The following DNAH14 variants were observed in gnomAD, a reference collection of about 807,000 sequenced individuals.
The protein encoded by DNAH14 is dynein axonemal heavy chain 14, also known as axonemal beta dynein heavy chain 14.
A neutral mutation model predicts 520.9 loss-of-function variants in DNAH14; 478 were observed. That is an observed-to-expected ratio of 0.92 (90% CI 0.85 to 0.99). The LOEUF is 0.99. Among genes scored for constraint, DNAH14 ranks in the 50% least tolerant of loss-of-function variants. The pLI is 0.00. For synonymous variants in DNAH14, 1,581 were observed against 1,757.2 expected, an observed-to-expected ratio of 0.90 and a Z score of 2.51; for missense variants, 4,831 against 5,234.5, an observed-to-expected ratio of 0.92 and a Z score of 2.38.
chr1:225,294,885 G>A lies in DNAH14; in HGVS notation c.8469+4803G>A, dbSNP rs545936798. Among the ~76,000 whole-genome samples, 83 of 151,254 alleles carry A rather than the reference G, an allele frequency of 5.5e-4. 1 individual carries two copies. Among genetic ancestry groups the A allele is most frequent in the African/African-American group, 1.8e-3 (76 of 41,316 alleles). Reference sequence around the variant, plus strand: ...GCCATCCAGTAGTGGATTTTTTGTTGTTGTTGTTGTTTGTTTGTTTGTTTT... The same window carrying A: ...GCCATCCAGTAGTGGATTTTTTGTTATTGTTGTTGTTTGTTTGTTTGTTTT... On this transcript the variant is annotated intron_variant, in intron 55 of 85. Coordinates refer to ENST00000682510, the MANE Select transcript of DNAH14 (RefSeq NM_001367479.1).
chr1:225,312,575 G>A (rs930675804), intron 60 of DNAH14, among the ~76,000 whole-genome samples: 1 of 152,164 alleles, frequency 6.6e-6, no homozygotes, highest in African/African-American at 2.4e-5. Flanking sequence ...GATATTGGCT[G>A]TAGGTTTGTC....
chr1:225,203,946 G>T (rs936377850), intron 38 of DNAH14, among the ~76,000 whole-genome samples: 5 of 152,186 alleles, frequency 3.3e-5, no homozygotes, highest in African/African-American at 9.6e-5. Context: ...CAATAAGCAT[G>T]TACTGTCTTT....
chr1:225,319,394 C>T (rs2094521095), intron 61 of DNAH14, among the ~76,000 whole-genome samples: 1 of 152,068 alleles, frequency 6.6e-6, no homozygotes, highest in African/African-American at 2.4e-5. Context: ...CTACCTATAA[C>T]GTCTTGGAAT....
chr1:225,269,690 A>T (rs1429910497), intron 49 of DNAH14, among the ~76,000 whole-genome samples: 2 of 152,252 alleles, frequency 1.3e-5, no homozygotes, highest in African/African-American at 4.8e-5. Flanking sequence ...GACACTTCAC[A>T]AAAGAAGACA....
At chr1:225,070,143 T>C (rs1403421493) in intron 17 of DNAH14, among the ~76,000 whole-genome samples, 1 of 152,158 alleles carries the variant, frequency 6.6e-6, no homozygotes, top group Non-Finnish European at 1.5e-5. Context: ...TATTAATTTT[T>C]TTCAAAAAAC....
chr1:224,970,273 C>T (rs566195127), intron 7 of DNAH14, among the ~76,000 whole-genome samples: 25 of 152,218 alleles, frequency 1.6e-4, no homozygotes, highest in Non-Finnish European at 2.5e-4. Flanking sequence ...AGGAAATTCC[C>T]GCCTAATAAA....
Position 225,229,739 on chromosome 1 carries a change from G to C in DNAH14, c.6440-1334G>C, listed in dbSNP as rs142518377. On this transcript the variant is annotated intron_variant, in intron 41 of 85. Transcript: ENST00000682510. ...ACAATGAGAACATATGGGCACAAGG[G>C]GGGAACATCATACACTGGGGCCTGT... Among the ~76,000 whole-genome samples the C allele has an allele frequency of 7.2e-3, 1,092 of 152,036 alleles. 3 individuals are homozygous for C. Among genetic ancestry groups the C allele is most frequent in the Non-Finnish European group, 0.012 (847 of 67,986 alleles).
chr1:225,018,629 A>G (rs74228677), intron 10 of DNAH14, among the ~76,000 whole-genome samples: 1,664 of 152,310 alleles, frequency 0.011, 17 homozygotes, highest in Non-Finnish European at 0.016. Flanking sequence ...ACATGAAAGA[A>G]AAAATCTTAA....
At chr1:225,010,738 G>C (rs1033922023) in intron 10 of DNAH14, among the ~76,000 whole-genome samples, 2 of 151,888 alleles carry the variant, frequency 1.3e-5, no homozygotes, top group Non-Finnish European at 1.5e-5. Context: ...ACTTTTTTTG[G>C]TTGGTAGGCT....
chr1:225,031,034 G>C (rs1005846721), intron 11 of DNAH14, among the ~76,000 whole-genome samples: 4 of 151,830 alleles, frequency 2.6e-5, no homozygotes, highest in Admixed American at 6.6e-5. Context: ...CCTTTGTTTA[G>C]ATCTTCTTTG....
intron 34 of DNAH14, among the ~76,000 whole-genome samples, chr1:225,158,704 T>C (rs771692059): frequency 2.2e-4 from 33 of 152,226 alleles, no homozygotes; most frequent in Non-Finnish European, 4.3e-4. Flanking sequence ...ACAGCTGCAT[T>C]AGAATCTGAA....
At chr1:225,202,821 A>G (rs966613041) in intron 38 of DNAH14, among the ~76,000 whole-genome samples, 5 of 152,202 alleles carry the variant, frequency 3.3e-5, no homozygotes, top group Admixed American at 3.3e-4. Flanking sequence ...GAGGCAAGGC[A>G]GAAATGGCTT....
At position 225,223,458 on chromosome 1, in the gene DNAH14, A is replaced by G. The variant is rs143546058; in HGVS notation, c.6440-7615A>G. Among the ~76,000 whole-genome samples, 4 of 152,282 alleles carry G rather than the reference A, an allele frequency of 2.6e-5. No homozygotes were observed. The East Asian group carries it at 7.7e-4, about 29-fold the overall frequency. On this transcript the variant is annotated intron_variant, in intron 41 of 85. Transcript: ENST00000682510. ...GAGACAAGTTACAAAGAGCCCATGA[A>G]TTAGTTGAGGAGTAATTAAAAGTCG...
chr1:224,934,437 AAG>A (rs1216214894), intron 1 of DNAH14, among the ~76,000 whole-genome samples: 2 of 151,948 alleles, frequency 1.3e-5, no homozygotes, highest in African/African-American at 4.8e-5. Context: ...AGGTAGAAAA[AAG>A]AATCTCAGAA....
At chr1:225,273,310 T>C (rs1453254226) in intron 52 of DNAH14, among the ~76,000 whole-genome samples, 185 bp downstream of exon 52, 1 of 152,138 alleles carries the variant, frequency 6.6e-6, no homozygotes, top group Admixed American at 6.6e-5. Context: ...TGGGCGCCTG[T>C]AGTCCCAGCT....
chr1:225,326,420 A>G (rs1334920132), intron 64 of DNAH14, among the ~76,000 whole-genome samples: 6 of 152,320 alleles, frequency 3.9e-5, no homozygotes, highest in African/African-American at 1.4e-4. Flanking sequence ...TGCGGGTAGA[A>G]GCAGAGTCTT....
At chr1:225,179,034 G>T (rs972945655) in intron 36 of DNAH14, among the ~76,000 whole-genome samples, 4 of 152,130 alleles carry the variant, frequency 2.6e-5, no homozygotes, top group African/African-American at 9.7e-5. Context: ...TGATTGTGAG[G>T]CTTCCCCAGC....
At chr1:225,367,425 C>T (rs535585744) in intron 76 of DNAH14, among the ~76,000 whole-genome samples, 3 of 152,302 alleles carry the variant, frequency 2.0e-5, no homozygotes, top group Admixed American at 2.0e-4. Context: ...TCTGCTACCT[C>T]GCAGAGGCCA....
chr1:225,091,942 C>T (rs1245548929), intron 21 of DNAH14, among the ~76,000 whole-genome samples: 2 of 151,946 alleles, frequency 1.3e-5, no homozygotes, highest in Non-Finnish European at 2.9e-5. Flanking sequence ...AAAAAAGCAA[C>T]TTTAAAAACC....
Sources: gnomAD v4.1 joint callset for allele counts (sites outside exome capture counted in the v4.1 genomes callset) on GRCh38, gnomAD v4.1.1 for gene constraint, MANE v1.5 for transcripts, NCBI Gene and HGNC (gene_info 2026-07-23, HGNC 2026-07-21) for gene names.